Variants in GRM8 observed in about 807,000 individuals in gnomAD.
GRM8 encodes glutamate metabotropic receptor 8.
In GRM8, 47 loss-of-function variants were observed where a neutral mutation model predicts 87.2. The ratio of observed to expected loss-of-function variants is 0.54; its 90% CI spans 0.43 to 0.69. The LOEUF is 0.69. GRM8 is among the 30% of genes least tolerant of loss of function. The pLI is 0.00. For synonymous variants in GRM8, 396 were observed against 404.5 expected, an observed-to-expected ratio of 0.98 and a Z score of 0.25; for missense variants, 1,019 against 1,139.2, an observed-to-expected ratio of 0.89 and a Z score of 1.52.
At chr7:126,893,470 C>A (rs1373858838) in intron 6 of GRM8, among the ~76,000 whole-genome samples, 2 of 151,896 alleles carry the variant, frequency 1.3e-5, no homozygotes, top group Non-Finnish European at 2.9e-5. Flanking sequence ...AAATATCATT[C>A]CAACAATTAA....
intron 8 of GRM8, among the ~76,000 whole-genome samples, chr7:126,602,277 G>C (rs1409346247): frequency 1.4e-5 from 2 of 146,412 alleles, no homozygotes; most frequent in South Asian, 2.3e-4. Context: ...GCTCTGTTCT[G>C]TTCCATTGAT....
chr7:127,039,629 G>T (rs1272773111), intron 3 of GRM8, among the ~76,000 whole-genome samples: 1 of 123,036 alleles, frequency 8.1e-6, no homozygotes, highest in African/African-American at 3.1e-5. Context: ...AGGGGAAGGG[G>T]AAGGAGAAGG....
Position 127,076,159 on chromosome 7 carries a change from G to T in GRM8, c.727+30337C>A, listed in dbSNP as rs17866950. The T allele has an allele frequency of 8.0e-4, 366 of 456,592 alleles. 2 individuals are homozygous for T. The highest frequency in any genetic ancestry group is 6.7e-3 in the African/African-American group (337 of 50,188). The allele number at this position is 456,592 out of a possible 1,614,324, so 28.3% of individuals were successfully genotyped here. On this transcript the variant is annotated intron_variant, in intron 3 of 10. Coordinates refer to ENST00000339582, the MANE Select transcript of GRM8 (RefSeq NM_000845.3). ...GCATCTGACAGCTGCATTAGAAGCAGAAATTGGTAAACAACTTGACATAGT... is the reference window on the plus strand; with the variant it reads ...GCATCTGACAGCTGCATTAGAAGCATAAATTGGTAAACAACTTGACATAGT...
chr7:126,618,044 C>T (rs1799708752), intron 7 of GRM8, among the ~76,000 whole-genome samples: 1 of 152,124 alleles, frequency 6.6e-6, no homozygotes, highest in East Asian at 1.9e-4. Context: ...TAATATGGAA[C>T]CAAAAATAGA....
At chr7:126,929,099 C>T (rs561169979) in intron 3 of GRM8, among the ~76,000 whole-genome samples, 1 of 152,164 alleles carries the variant, frequency 6.6e-6, no homozygotes, top group South Asian at 2.1e-4. Flanking sequence ...ACGAAAGGAA[C>T]AAGAAAAAGG....
intron 10 of GRM8, among the ~76,000 whole-genome samples, chr7:126,444,933 C>A (rs1199898092): frequency 6.6e-6 from 1 of 151,706 alleles, no homozygotes; most frequent in East Asian, 2.0e-4. Context: ...ATCACTTGAG[C>A]CTAGGAGTTA....
At chr7:127,023,866 C>G (rs901956947) in intron 3 of GRM8, among the ~76,000 whole-genome samples, 30 of 152,150 alleles carry the variant, frequency 2.0e-4, no homozygotes, top group Non-Finnish European at 1.5e-5. Flanking sequence ...CTATGTAACA[C>G]AAAATTTCTA....
At chr7:126,541,882 T>C (rs1317717271) in intron 8 of GRM8, among the ~76,000 whole-genome samples, 2 of 152,216 alleles carry the variant, frequency 1.3e-5, no homozygotes, top group Non-Finnish European at 2.9e-5. Flanking sequence ...CCAAAATTCA[T>C]ATGTTGAAGT....
At chr7:126,955,827 A>G (rs1258237901) in intron 3 of GRM8, among the ~76,000 whole-genome samples, 1 of 152,038 alleles carries the variant, frequency 6.6e-6, no homozygotes, top group Non-Finnish European at 1.5e-5. Context: ...GAGTTTTTTT[A>G]TTTCCTTAAT....
intron 9 of GRM8, among the ~76,000 whole-genome samples, chr7:126,477,595 GAAAGA>G (rs1554446058): frequency 1.8e-5 from 1 of 56,672 alleles, no homozygotes; most frequent in African/African-American, 4.2e-5. Flanking sequence ...AAGAAAGAAA[GAAAGA>G]AAGAAAGAAA....
chr7:126,730,729 G>A (rs1274746464), intron 7 of GRM8, among the ~76,000 whole-genome samples: 1 of 152,054 alleles, frequency 6.6e-6, no homozygotes, highest in East Asian at 1.9e-4. Context: ...GCTTAAATAT[G>A]AGGCTCAATA....
At chr7:127,190,571 A>G (rs1427751635) in intron 2 of GRM8, among the ~76,000 whole-genome samples, 2 of 151,958 alleles carry the variant, frequency 1.3e-5, no homozygotes, top group Non-Finnish European at 2.9e-5. Context: ...TCCTGCCCTC[A>G]GTGGAAATGA....
At chr7:126,649,928 C>T (rs1815972) in intron 7 of GRM8, among the ~76,000 whole-genome samples, 46,535 of 151,902 alleles carry the variant, frequency 0.31, 7,951 homozygotes, top group East Asian at 0.43. Context: ...TATTTGGAGC[C>T]TTTGGCAGGC....
At chr7:126,574,374 GC>G (rs1381512748) in intron 8 of GRM8, among the ~76,000 whole-genome samples, 2 of 152,302 alleles carry the variant, frequency 1.3e-5, no homozygotes, top group Non-Finnish European at 2.9e-5. Context: ...GAGAGTTCCA[GC>G]ATGACTGACT....
intron 1 of GRM8, among the ~76,000 whole-genome samples, chr7:127,247,197 C>G (rs978333162): frequency 2.0e-5 from 3 of 152,168 alleles, no homozygotes; most frequent in African/African-American, 4.8e-5. Flanking sequence ...GCGGTTTGTC[C>G]AAACACTTCT....
intron 7 of GRM8, among the ~76,000 whole-genome samples, chr7:126,761,956 C>G (rs146607860): frequency 1.3e-5 from 2 of 152,230 alleles, no homozygotes; most frequent in Non-Finnish European, 2.9e-5. Context: ...CAACCTTATA[C>G]TGTGTTTGTA....
chr7:126,473,915 C>T (rs2150567934), intron 9 of GRM8, among the ~76,000 whole-genome samples: 1 of 152,130 alleles, frequency 6.6e-6, no homozygotes, highest in East Asian at 1.9e-4. Flanking sequence ...GCTCCTCCTT[C>T]ACCTTCCACC....
chr7:126,638,327 C>T (rs953112902), intron 7 of GRM8, among the ~76,000 whole-genome samples: 1 of 152,140 alleles, frequency 6.6e-6, no homozygotes, highest in East Asian at 1.9e-4. Flanking sequence ...AGATACCTTC[C>T]TACTGCTCTG....
intron 3 of GRM8, chr7:127,105,494 T>A (rs1825722014): frequency 6.6e-6 from 1 of 152,244 alleles, no homozygotes; most frequent in Non-Finnish European, 1.5e-5. Flanking sequence ...GTGAACATCC[T>A]ACTTCAATAA....
Sources: gnomAD v4.1 joint callset for allele counts (sites outside exome capture counted in the v4.1 genomes callset) on GRCh38, gnomAD v4.1.1 for gene constraint, MANE v1.5 for transcripts, NCBI Gene and HGNC (gene_info 2026-07-23, HGNC 2026-07-21) for gene names.